TULP4: variants seen among roughly 807,000 people sequenced by gnomAD.
TULP4 encodes the protein tubby-related protein 4.
TULP4 carries 16 observed loss-of-function variants against 129.0 expected under a neutral mutation model. That is an observed-to-expected ratio of 0.12 (90% confidence interval 0.08 to 0.19). TULP4 has a LOEUF of 0.19. Among genes scored for constraint, TULP4 ranks in the 10% least tolerant of loss-of-function variants. TULP4 has a pLI of 1.00. For missense variants in TULP4, 1,842 were observed against 2,059.1 expected (o/e 0.89, Z 2.04); for synonymous variants, 998 against 854.0 (o/e 1.17, Z -2.94).
intron 1 of TULP4, among the ~76,000 whole-genome samples, chr6:158,365,875 CTTTTTTTTTTTTTCTTTTTCTTTCTT>C (rs1780935626): frequency 2.8e-5 from 2 of 71,146 alleles, no homozygotes; most frequent in African/African-American, 5.5e-5. Context: ...GTTCGTTTTT[CTTTTTTTTTTTTTCTTTTTCTTTCTT>C]TTTTTTTTTT....
At chr6:158,416,257 C>T (rs1321024575) in intron 2 of TULP4, among the ~76,000 whole-genome samples, 1 of 152,196 alleles carries the variant, frequency 6.6e-6, no homozygotes, top group Non-Finnish European at 1.5e-5. Flanking sequence ...CCTTTGGCAA[C>T]ACCCTCACAG....
chr6:158,506,464 G>A (rs974903639), intron 13 of TULP4, 114 bp from the exon 14 acceptor site: 22 of 751,448 alleles, frequency 2.9e-5, no homozygotes, highest in African/African-American at 2.7e-4. Flanking sequence ...ATCTCCTGAC[G>A]TCGTGATCTG....
intron 1 of TULP4, among the ~76,000 whole-genome samples, chr6:158,240,089 G>C (rs1583665619): frequency 2.4e-5 from 2 of 83,872 alleles, no homozygotes; most frequent in African/African-American, 8.0e-5. Context: ...CCGGGCAGAG[G>C]GGCTCCTCAC....
intron 2 of TULP4, among the ~76,000 whole-genome samples, chr6:158,416,211 C>T (rs1264154854): frequency 2.0e-5 from 3 of 152,214 alleles, no homozygotes; most frequent in Non-Finnish European, 2.9e-5. Context: ...GAGGGGGGGT[C>T]TGCCTCTCCC....
At chr6:158,406,950 C>T (rs1029404708) in intron 1 of TULP4, among the ~76,000 whole-genome samples, 4 of 152,308 alleles carry the variant, frequency 2.6e-5, no homozygotes, top group African/African-American at 9.6e-5. Flanking sequence ...GCACGGCGGT[C>T]CCCAGATTCC....
At chr6:158,326,338 T>C (rs1779746417) in intron 1 of TULP4, among the ~76,000 whole-genome samples, 1 of 152,172 alleles carries the variant, frequency 6.6e-6, no homozygotes, top group African/African-American at 2.4e-5. Context: ...TTTGTTTTTG[T>C]TTTTTTCCTG....
chr6:158,243,894 TCTC>T (rs1395768101), intron 1 of TULP4, among the ~76,000 whole-genome samples: 1 of 144,566 alleles, frequency 6.9e-6, no homozygotes, highest in African/African-American at 2.8e-5. Context: ...GTGTAGAAAT[TCTC>T]CTTTGTCAAT....
intron 6 of TULP4, among the ~76,000 whole-genome samples, chr6:158,475,991 C>T (rs894119933): frequency 1.3e-5 from 2 of 152,206 alleles, no homozygotes; most frequent in Non-Finnish European, 2.9e-5. Flanking sequence ...CCTGCTGCCT[C>T]ACTTCTGACC....
chr6:158,262,545 A>G (rs1778370485), intron 1 of TULP4, among the ~76,000 whole-genome samples: 2 of 152,176 alleles, frequency 1.3e-5, no homozygotes. Flanking sequence ...CAAACTGGAT[A>G]AGGCTCCTGC....
chr6:158,468,953 T>C (rs1779613369), intron 6 of TULP4, among the ~76,000 whole-genome samples: 1 of 152,164 alleles, frequency 6.6e-6, no homozygotes, highest in Non-Finnish European at 1.5e-5. Context: ...CCCCACCTAA[T>C]ACCACCACCA....
intron 3 of TULP4, among the ~76,000 whole-genome samples, chr6:158,443,954 T>A (rs1044545026): frequency 1.3e-5 from 2 of 152,064 alleles, no homozygotes; most frequent in Non-Finnish European, 2.9e-5. Flanking sequence ...GTGCGGTGGC[T>A]CACGCCTGTA....
intron 1 of TULP4, among the ~76,000 whole-genome samples, chr6:158,300,195 CAG>C (rs957730386): frequency 1.6e-4 from 25 of 152,204 alleles, no homozygotes; most frequent in East Asian, 3.9e-4. Context: ...GGCACCCAGA[CAG>C]GGGATTGATG....
intron 1 of TULP4, among the ~76,000 whole-genome samples, chr6:158,345,182 A>G (rs954217975): frequency 6.6e-6 from 1 of 152,252 alleles, no homozygotes; most frequent in Non-Finnish European, 1.5e-5. Context: ...TCTTTATAAC[A>G]TAAAAGTGCA....
At chr6:158,376,455 G>A (rs1195825945) in intron 1 of TULP4, among the ~76,000 whole-genome samples, 1 of 152,202 alleles carries the variant, frequency 6.6e-6, no homozygotes, top group African/African-American at 2.4e-5. Flanking sequence ...ATGTCCGGGG[G>A]GAGAGAAATA....
intron 1 of TULP4, among the ~76,000 whole-genome samples, chr6:158,332,880 A>G (rs183685345): frequency 1.3e-5 from 2 of 152,284 alleles, no homozygotes; most frequent in East Asian, 3.9e-4. Flanking sequence ...ATTGTTTATT[A>G]TAGAGCACGT....
At chr6:158,263,151 G>T (rs12216298) in intron 1 of TULP4, among the ~76,000 whole-genome samples, 49,919 of 152,096 alleles carry the variant, frequency 0.33, 9,208 homozygotes, top group Admixed American at 0.45. Context: ...ACATAAGATC[G>T]TTTGTTTAGC....
chr6:158,266,076 A>G (rs1778439757), intron 1 of TULP4, among the ~76,000 whole-genome samples: 1 of 152,212 alleles, frequency 6.6e-6, no homozygotes, highest in South Asian at 2.1e-4. Flanking sequence ...CACCATTGTT[A>G]TAACTCTTAA....
At chr6:158,397,110 T>C (rs1777735797) in intron 1 of TULP4, among the ~76,000 whole-genome samples, 1 of 152,122 alleles carries the variant, frequency 6.6e-6, no homozygotes, top group African/African-American at 2.4e-5. Flanking sequence ...CCATGGGAAA[T>C]GGCCCTGGAA....
intron 8 of TULP4, chr6:158,481,504 G>A (rs1269807865): frequency 1.7e-6 from 1 of 600,550 alleles, no homozygotes; most frequent in African/African-American, 1.8e-5. Context: ...ATATTCCATG[G>A]GCAGTGGATA....
Sources: allele counts gnomAD v4.1 joint callset (sites outside exome capture counted in the v4.1 genomes callset), GRCh38; gene constraint gnomAD v4.1.1; transcripts MANE v1.5; gene names NCBI Gene and HGNC (gene_info 2026-07-23, HGNC 2026-07-21).